DNAAF4: variants seen among roughly 807,000 people sequenced by gnomAD.
The protein encoded by DNAAF4 is dynein assembly factor 4, axonemal.
In DNAAF4, 43 loss-of-function variants were observed where a neutral mutation model predicts 51.8. The ratio of observed to expected loss-of-function variants is 0.83; its 90% CI spans 0.65 to 1.07. DNAAF4 has a LOEUF of 1.07. DNAAF4 is among the 50% of genes least tolerant of loss of function. The pLI, the probability that DNAAF4 is intolerant of heterozygous loss-of-function variation, is 0.00. For synonymous variants in DNAAF4, 194 were observed against 165.6 expected, an observed-to-expected ratio of 1.17 and a Z score of -1.32; for missense variants, 581 against 493.0, an observed-to-expected ratio of 1.18 and a Z score of -1.69.
Position 55,430,738 on chromosome 15 carries a change from T to A in DNAAF4, c.1195A>T (p.Asn399Tyr). The stretch of plus-strand genomic sequence containing the variant: ...TCAGCATCAATTTGTACAATTTTGT[T>A]GGATGGATCAATCTTAAGTGCCGCT... ...YEAALKIDPS[N>Y]KIVQIDAEKI... Residue 399 changes from asparagine (N) to tyrosine (Y), a missense_variant, in exon 10 of 10, where the codon AAC becomes TAC. By Grantham distance (143) the Asn-to-Tyr change is moderately radical. Transcript: ENST00000321149. 6.2e-7 allele frequency: 1 copy of A among 1,613,536 alleles called. No homozygotes were observed. Among genetic ancestry groups the A allele is most frequent in the South Asian group, 1.1e-5 (1 of 91,068 alleles).
At chr15:55,505,863 C>A (rs968370401) in intron 1 of DNAAF4, among the ~76,000 whole-genome samples, 3 of 152,110 alleles carry the variant, frequency 2.0e-5, no homozygotes, top group African/African-American at 7.2e-5. Flanking sequence ...ACATGTATAC[C>A]TATGTAACAA....
At chr15:55,428,505 T>C (rs2057454326), downstream of DNAAF4, among the ~76,000 whole-genome samples, 1 of 138,574 alleles carries the variant, frequency 7.2e-6, no homozygotes, top group South Asian at 2.5e-4. Flanking sequence ...TTTTTTTTTT[T>C]TTTTTTTGAG....
intron 7 of DNAAF4, among the ~76,000 whole-genome samples, chr15:55,423,783 T>C (rs2141383942): frequency 6.6e-6 from 1 of 152,082 alleles, no homozygotes; most frequent in East Asian, 1.9e-4. Context: ...TGAAATGCTG[T>C]CTCTATTAAA....
Position 55,442,655 on chromosome 15 carries a change from T to C in DNAAF4, c.784-3074A>G, listed in dbSNP as rs2057732676. On this transcript the variant is annotated intron_variant, in intron 6 of 9. Coordinates refer to ENST00000321149, the MANE Select transcript of DNAAF4 (RefSeq NM_130810.4). ...CTTTATGTCAGACTTTTAGCAGGATTCAGCTTTATAAGTAAGCTTGTCGCC... is the reference window on the plus strand; with the variant it reads ...CTTTATGTCAGACTTTTAGCAGGATCCAGCTTTATAAGTAAGCTTGTCGCC... 2.0e-6 allele frequency: 3 copies of C among 1,536,554 alleles called. No homozygotes were observed. The Admixed American group carries it at 5.0e-5, about 26-fold the overall frequency.
At chr15:55,443,319 C>T in intron 6 of DNAAF4, 2 of 1,171,414 alleles carry the variant, frequency 1.7e-6, no homozygotes, top group Non-Finnish European at 2.5e-6. Context: ...GGCAAAGGGC[C>T]CCCAGCGTGC....
intron 6 of DNAAF4, among the ~76,000 whole-genome samples, chr15:55,441,277 G>T (rs1462350184): frequency 6.7e-6 from 1 of 148,998 alleles, no homozygotes; most frequent in African/African-American, 2.5e-5. Flanking sequence ...TCACCATATT[G>T]GCCAGGCTGG....
chr15:55,466,764 T>G (rs1460957810), intron 5 of DNAAF4, among the ~76,000 whole-genome samples, 166 bp downstream of exon 5: 1 of 152,124 alleles, frequency 6.6e-6, no homozygotes, highest in Non-Finnish European at 1.5e-5. Context: ...AACTTCATTA[T>G]CCCCGAAAGA....
intron 6 of DNAAF4, chr15:55,442,708 C>T (rs1567006833): frequency 3.4e-6 from 5 of 1,482,012 alleles, no homozygotes; most frequent in Non-Finnish European, 4.7e-6. Context: ...CTCATCAACA[C>T]TCTGAACATT....
intron 8 of DNAAF4, among the ~76,000 whole-genome samples, chr15:55,433,923 T>TA (rs1241827945): frequency 0.028 from 337 of 11,944 alleles, 13 homozygotes; most frequent in African/African-American, 0.068. Context: ...ATTATATATA[T>TA]TATATTATAT....
chr15:55,445,966 C>T (rs1227759459), intron 6 of DNAAF4, among the ~76,000 whole-genome samples: 6 of 138,974 alleles, frequency 4.3e-5, no homozygotes, highest in East Asian at 2.2e-4. Context: ...ACGGGGCGGC[C>T]GGGCAGAGGC....
chr15:55,440,357 G>T (rs530636338), intron 6 of DNAAF4, among the ~76,000 whole-genome samples: 1 of 148,196 alleles, frequency 6.7e-6, no homozygotes, highest in Non-Finnish European at 1.5e-5. Flanking sequence ...GGCCAATGAT[G>T]GTGATTTTAA....
chr15:55,502,301 A>G (rs1458001964), intron 1 of DNAAF4, among the ~76,000 whole-genome samples: 2 of 152,148 alleles, frequency 1.3e-5, no homozygotes, highest in African/African-American at 4.8e-5. Context: ...GATGGAGTTC[A>G]GGACATGCTA....
chr15:55,490,959 A>G, intron 4 of DNAAF4, 164 bp downstream of exon 4: 4 of 763,882 alleles, frequency 5.2e-6, no homozygotes, highest in Non-Finnish European at 7.8e-6. Context: ...GTCTCAAGAA[A>G]AAAAAAAACA....
At chr15:55,473,281 A>ATGTGTATATATG (rs2058288416) in intron 4 of DNAAF4, among the ~76,000 whole-genome samples, 1 of 112,830 alleles carries the variant, frequency 8.9e-6, no homozygotes, top group African/African-American at 4.2e-5. Flanking sequence ...GTGTATATAT[A>ATGTGTATATATG]TGTGTATATA....
chr15:55,472,950 G>C (rs1283982964), intron 4 of DNAAF4, among the ~76,000 whole-genome samples: 1 of 151,868 alleles, frequency 6.6e-6, no homozygotes, highest in Admixed American at 6.6e-5. Flanking sequence ...CAAATTACTT[G>C]AAGTCAGGAG....
chr15:55,452,108 G>C (rs1449395771), intron 5 of DNAAF4, among the ~76,000 whole-genome samples: 1 of 151,222 alleles, frequency 6.6e-6, no homozygotes, highest in African/African-American at 2.4e-5. Flanking sequence ...ATTAGTCAGG[G>C]GTGGTGGCAG....
chr15:55,433,029 G>A (rs1045131668), intron 8 of DNAAF4, among the ~76,000 whole-genome samples: 5 of 152,096 alleles, frequency 3.3e-5, no homozygotes, highest in Admixed American at 3.3e-4. Flanking sequence ...GGTGGGCCTG[G>A]TGGCTCACGC....
chr15:55,448,124 C>A (rs995158245), intron 6 of DNAAF4, among the ~76,000 whole-genome samples: 19 of 152,082 alleles, frequency 1.2e-4, no homozygotes, highest in African/African-American at 4.3e-4. Context: ...GCATGAAGTG[C>A]TGTTGAATTT....
intron 4 of DNAAF4, among the ~76,000 whole-genome samples, chr15:55,471,552 C>T (rs1361879997): frequency 6.7e-6 from 1 of 150,302 alleles, no homozygotes; most frequent in African/African-American, 2.5e-5. Context: ...CTCACTCTGT[C>T]GCCCAGGCTG....
Sources: allele counts gnomAD v4.1 joint callset (sites outside exome capture counted in the v4.1 genomes callset), GRCh38; gene constraint gnomAD v4.1.1; transcripts MANE v1.5; gene names NCBI Gene and HGNC (gene_info 2026-07-23, HGNC 2026-07-21).